The following ARHGAP26 variants were observed in gnomAD, a reference collection of about 807,000 sequenced individuals.
ARHGAP26 encodes the protein rho GTPase-activating protein 26.
A neutral mutation model predicts 104.8 loss-of-function variants in ARHGAP26; 38 were observed. The observed-to-expected ratio is 0.36, with a 90% confidence interval of 0.28 to 0.48. The LOEUF (loss-of-function observed/expected upper bound fraction) is 0.48, where lower values mean the gene tolerates loss of function less well. Among genes scored for constraint, ARHGAP26 ranks in the 20% least tolerant of loss-of-function variants. The pLI is 0.99. For missense variants in ARHGAP26, 704 were observed against 947.9 expected, an observed-to-expected ratio of 0.74 and a Z score of 3.38; for synonymous variants, 341 against 340.0, an observed-to-expected ratio of 1.00 and a Z score of -0.03.
rs967148462 is a variant in ARHGAP26 at position 143,104,681 on chromosome 5, G to A, written c.1539-16307G>A. ...GAAACAATCTGACTGTCCAATAACG[G>A]GAGATTTCTAAATTATCGAATACCC... On this transcript the variant is annotated intron_variant, in intron 17 of 22. Coordinates refer to ENST00000645722, the MANE Select transcript of ARHGAP26 (RefSeq NM_001135608.3). 2.4e-4 allele frequency among the ~76,000 whole-genome samples: 36 copies of A among 152,134 alleles called. 1 individual carries two copies.
At chr5:142,932,164 C>A in intron 11 of ARHGAP26, 39 bp downstream of exon 11, 1 of 1,587,950 alleles carries the variant, frequency 6.3e-7, no homozygotes, top group Non-Finnish European at 8.6e-7. Context: ...AGAATGAAGG[C>A]CCTGAGTTGT....
intron 1 of ARHGAP26, among the ~76,000 whole-genome samples, chr5:142,854,265 A>G (rs766033035): frequency 1.2e-4 from 18 of 152,296 alleles, no homozygotes; most frequent in Non-Finnish European, 2.5e-4. Context: ...TGCCTTGAAT[A>G]TGGCTCCCTG....
intron 11 of ARHGAP26, among the ~76,000 whole-genome samples, chr5:142,937,743 C>T (rs1379058776): frequency 6.6e-6 from 1 of 152,074 alleles, no homozygotes; most frequent in Non-Finnish European, 1.5e-5. Context: ...TACACAACAA[C>T]CGGGTGCATC....
intron 20 of ARHGAP26, among the ~76,000 whole-genome samples, chr5:143,185,969 G>T (rs1389013070): frequency 6.6e-6 from 1 of 152,144 alleles, no homozygotes; most frequent in East Asian, 1.9e-4. Flanking sequence ...TAAAGAGCCA[G>T]GATTTAGCTT....
At chr5:143,057,536 A>C (rs1786001245) in intron 16 of ARHGAP26, 106 bp from the exon 17 acceptor site, 3 of 855,768 alleles carry the variant, frequency 3.5e-6, no homozygotes, top group Admixed American at 2.2e-5. Flanking sequence ...TCTTTGAGAA[A>C]TCCTTGGGCT....
intron 1 of ARHGAP26, among the ~76,000 whole-genome samples, chr5:142,795,037 A>G (rs1760691895): frequency 6.6e-6 from 1 of 151,844 alleles, no homozygotes; most frequent in African/African-American, 2.4e-5. Context: ...TCTCTGTCAT[A>G]TCTTCTTCTT....
rs541746798 is a variant in ARHGAP26 at position 143,208,604 on chromosome 5, T to C, written c.2099+1296T>C. The stretch of plus-strand genomic sequence containing the variant: ...AAAAGAAAACTAAAACACAGGGAGG[T>C]GACTTGGACACAATGCTATGACTAA... On this transcript the variant is annotated intron_variant, in intron 21 of 22. Coordinates refer to ENST00000645722, the MANE Select transcript of ARHGAP26 (RefSeq NM_001135608.3). Among the ~76,000 whole-genome samples, 7 of 152,044 alleles carry C rather than the reference T, an allele frequency of 4.6e-5. No homozygotes were observed. The South Asian group carries it at 1.2e-3, about 27-fold the overall frequency.
At chr5:143,162,886 C>T (rs925746532) in intron 20 of ARHGAP26, among the ~76,000 whole-genome samples, 10 of 152,058 alleles carry the variant, frequency 6.6e-5, no homozygotes, top group African/African-American at 2.2e-4. Flanking sequence ...GTAATCTCAG[C>T]ACTTCAGAAA....
chr5:142,991,816 GGCAACAAAATT>G (rs1362698655), intron 11 of ARHGAP26, among the ~76,000 whole-genome samples: 1 of 151,994 alleles, frequency 6.6e-6, no homozygotes, highest in African/African-American at 2.4e-5. Flanking sequence ...ATGTTTGTAG[GGCAACAAAATT>G]GCCTAACAAC....
At chr5:143,212,572 G>A (rs941828179) in intron 21 of ARHGAP26, among the ~76,000 whole-genome samples, 2 of 152,064 alleles carry the variant, frequency 1.3e-5, no homozygotes, top group African/African-American at 4.8e-5. Context: ...GTTCCCAGGG[G>A]TCCCACTTCA....
chr5:142,839,060 G>T (rs920120430), intron 1 of ARHGAP26, among the ~76,000 whole-genome samples: 1 of 152,212 alleles, frequency 6.6e-6, no homozygotes, highest in African/African-American at 2.4e-5. Flanking sequence ...CTAGATTAAT[G>T]ACTCAAATCT....
intron 17 of ARHGAP26, among the ~76,000 whole-genome samples, chr5:143,115,187 G>A (rs1403792641): frequency 6.6e-6 from 1 of 151,978 alleles, no homozygotes. Flanking sequence ...ACAAAAGTTA[G>A]CCAGGCATGG....
At chr5:143,026,387 G>A (rs1781068292) in intron 12 of ARHGAP26, among the ~76,000 whole-genome samples, 1 of 152,200 alleles carries the variant, frequency 6.6e-6, no homozygotes, top group African/African-American at 2.4e-5. Context: ...AAGGGCTGGT[G>A]GATAGAGGAT....
intron 22 of ARHGAP26, among the ~76,000 whole-genome samples, chr5:143,218,173 T>A (rs1470460593): frequency 6.6e-6 from 1 of 152,210 alleles, no homozygotes; most frequent in Admixed American, 6.5e-5. Context: ...AGAGAGACAC[T>A]CTCACTATGA....
chr5:142,874,832 C>T, intron 2 of ARHGAP26: 2 of 315,716 alleles, frequency 6.3e-6, no homozygotes, highest in Non-Finnish European at 5.8e-6. Flanking sequence ...TGGAAGCCTG[C>T]CAGCATCTCA....
At chr5:143,210,937 C>T (rs1482194510) in intron 21 of ARHGAP26, among the ~76,000 whole-genome samples, 3 of 152,204 alleles carry the variant, frequency 2.0e-5, no homozygotes, top group Admixed American at 2.0e-4. Flanking sequence ...CCCTCTGTAT[C>T]CAGTTTTGAG....
At chr5:143,145,414 C>T (rs1461550667) in intron 19 of ARHGAP26, among the ~76,000 whole-genome samples, 1 of 152,224 alleles carries the variant, frequency 6.6e-6, no homozygotes, top group African/African-American at 2.4e-5. Context: ...TCCTCACTCT[C>T]TCTCTTTATA....
At chr5:143,128,969 T>G (rs1264571595) in intron 18 of ARHGAP26, among the ~76,000 whole-genome samples, 1 of 152,136 alleles carries the variant, frequency 6.6e-6, no homozygotes, top group Non-Finnish European at 1.5e-5. Context: ...ACAGGGAGAC[T>G]CCTAATCCTT....
At chr5:143,026,799 TGGGTGGGGGTGGG>T (rs1781122600) in intron 12 of ARHGAP26, among the ~76,000 whole-genome samples, 4 of 2,214 alleles carry the variant, frequency 1.8e-3, no homozygotes, top group South Asian at 0.015. Context: ...CGTAGTGGGG[TGGGTGGGGGTGGG>T]GGGTGGGGGC....
Sources: allele counts gnomAD v4.1 joint callset (sites outside exome capture counted in the v4.1 genomes callset), GRCh38; gene constraint gnomAD v4.1.1; transcripts MANE v1.5; gene names NCBI Gene and HGNC (gene_info 2026-07-23, HGNC 2026-07-21).